Variants in LYPD5 observed in about 807,000 individuals in gnomAD.
LYPD5 encodes LY6/PLAUR domain containing 5.
LYPD5 carries 21 observed loss-of-function variants against 19.1 expected under a neutral mutation model. The observed-to-expected ratio is 1.10, with a 90% confidence interval of 0.78 to 1.58. The LOEUF is 1.58. LYPD5 is among the 40% of genes most tolerant of loss of function. The probability of loss-of-function intolerance (pLI) is 0.00; values close to 1 mark genes in which losing one functional copy is unlikely to be tolerated. For synonymous variants in LYPD5, 128 were observed against 142.7 expected (o/e 0.90, Z 0.74); for missense variants, 287 against 329.8 (o/e 0.87, Z 1.00).
At chr19:43,819,112 T>C (rs1168973866) in intron 1 of LYPD5, among the ~76,000 whole-genome samples, 2 of 152,160 alleles carry the variant, frequency 1.3e-5, no homozygotes, top group Non-Finnish European at 2.9e-5. Context: ...TCACTTCAAA[T>C]AAGCAGTTGT....
chr19:43,812,018 T>C (rs1970328075), intron 1 of LYPD5, among the ~76,000 whole-genome samples: 1 of 152,084 alleles, frequency 6.6e-6, no homozygotes, highest in Non-Finnish European at 1.5e-5. Flanking sequence ...CATGTGCTTG[T>C]GGTCAGCTGG....
intron 1 of LYPD5, among the ~76,000 whole-genome samples, chr19:43,811,306 T>C (rs1970321951): frequency 1.3e-5 from 2 of 152,070 alleles, no homozygotes; most frequent in Non-Finnish European, 2.9e-5. Context: ...TAACATGGAA[T>C]AGTTGAGAAA....
At chr19:43,817,375 C>T (rs1970382899) in intron 1 of LYPD5, among the ~76,000 whole-genome samples, 1 of 152,144 alleles carries the variant, frequency 6.6e-6, no homozygotes, top group Non-Finnish European at 1.5e-5. Context: ...CTATATGTCA[C>T]ATTTACTACT....
chr19:43,798,722 G>T, intron 3 of LYPD5, 90 bp downstream of exon 3: 1 of 1,570,278 alleles, frequency 6.4e-7, no homozygotes, highest in South Asian at 1.2e-5. Flanking sequence ...AGCGCGCCAA[G>T]AGCAGGCGCC....
chr19:43,808,204 C>T (rs965510566), intron 1 of LYPD5, among the ~76,000 whole-genome samples: 1 of 152,132 alleles, frequency 6.6e-6, no homozygotes, highest in African/African-American at 2.4e-5. Context: ...CTCCCAGGTT[C>T]AAGTGATTCT....
intron 3 of LYPD5, 41 bp downstream of exon 3, chr19:43,798,771 T>C (rs766606594): frequency 6.3e-7 from 1 of 1,580,360 alleles, no homozygotes; most frequent in Non-Finnish European, 8.6e-7. Flanking sequence ...GCCAGGCCTC[T>C]CATCGTCCCT....
upstream of LYPD5, chr19:43,802,492 G>A (rs1342058704): frequency 6.6e-6 from 6 of 909,138 alleles, no homozygotes; most frequent in Admixed American, 2.1e-5. Context: ...GTATTTCTTC[G>A]TCCCACCCTC....
chr19:43,814,240 C>T (rs1039030232), intron 1 of LYPD5, among the ~76,000 whole-genome samples: 9 of 152,194 alleles, frequency 5.9e-5, no homozygotes, highest in African/African-American at 1.9e-4. Flanking sequence ...GCCTGTAATC[C>T]CAGCACTTTA....
Position 43,798,916 on chromosome 19 carries a change from T to A in LYPD5, c.266A>T (p.Asn89Ile). 6.3e-7 allele frequency: 1 copy of A among 1,595,600 alleles called. No individual in the cohort carries two copies. Among genetic ancestry groups the A allele is most frequent in the Non-Finnish European group, 8.5e-7 (1 of 1,171,826 alleles). The change falls in exon 3 of 5, where the codon AAC becomes ATC. Residue 89 changes from asparagine to isoleucine, a missense_variant. By Grantham distance (149) the Asn-to-Ile change is moderately radical (BLOSUM62 -3). Coordinates refer to ENST00000377950, the MANE Select transcript of LYPD5 (RefSeq NM_001031749.3). ...TGPPAGQTQS[N>I]ADALPPDYSV... ...GTAGTCTGGCGGCAGCGCGTCCGCG[T>A]TCGATTGCGTCTGGCCCGCAGGAGG...
At chr19:43,798,349 G>T in intron 4 of LYPD5, 106 bp downstream of exon 4, 1 of 1,391,558 alleles carries the variant, frequency 7.2e-7, no homozygotes, top group South Asian at 1.3e-5. Context: ...TCCCACCTCA[G>T]AGCAGGGCCA....
intron 1 of LYPD5, among the ~76,000 whole-genome samples, chr19:43,809,337 G>A (rs796313794): frequency 1.3e-4 from 20 of 151,242 alleles, no homozygotes; most frequent in East Asian, 5.9e-4. Flanking sequence ...GCACCTGACC[G>A]GATATTATTA....
chr19:43,801,961 A>C (rs1403723217), intron 1 of LYPD5, among the ~76,000 whole-genome samples: 1 of 152,186 alleles, frequency 6.6e-6, no homozygotes, highest in Non-Finnish European at 1.5e-5. Context: ...GCTCCCTGGA[A>C]ATACCTTTGA....
At chr19:43,812,329 T>G (rs1294252749) in intron 1 of LYPD5, among the ~76,000 whole-genome samples, 1 of 122,312 alleles carries the variant, frequency 8.2e-6, no homozygotes, top group East Asian at 2.8e-4. Context: ...GATTTGTGGT[T>G]ATTTTTTCTA....
At chr19:43,799,144 GTTC>G in intron 2 of LYPD5, 156 bp from the exon 3 acceptor site, 1 of 769,892 alleles carries the variant, frequency 1.3e-6, no homozygotes, top group East Asian at 2.9e-5. Context: ...TTTCCCCCGA[GTTC>G]TTCTCTTCCT....
upstream of LYPD5, among the ~76,000 whole-genome samples, chr19:43,803,942 ATTC>A (rs1234668985): frequency 2.6e-5 from 4 of 152,132 alleles, no homozygotes; most frequent in East Asian, 5.8e-4. Flanking sequence ...GGTTCACACC[ATTC>A]TTCTGCCTCA....
rs558813718 is a variant in LYPD5, at chr19:43,799,689, C to T, written c.193+17G>A. ...TCCCTAATCTCTCATCCCTGTCCCC[C>T]GGCTCCCGCTCCTTACCGGTGTCCA... On this transcript the variant is annotated intron_variant, in intron 2 of 4. Transcript: ENST00000377950. The T allele has an allele frequency of 3.7e-6, 6 of 1,608,400 alleles. No individual in the cohort carries two copies. The highest frequency in any genetic ancestry group is 1.7e-5 in the Admixed American group (1 of 59,182).
chr19:43,812,388 CT>C (rs1970334295), intron 1 of LYPD5, among the ~76,000 whole-genome samples: 2 of 133,238 alleles, frequency 1.5e-5, no homozygotes, highest in South Asian at 5.0e-4. Context: ...AATCTATCAT[CT>C]ATCTATCCAT....
At chr19:43,799,136 T>G in intron 2 of LYPD5, 148 bp from the exon 3 acceptor site, 1 of 786,856 alleles carries the variant, frequency 1.3e-6, no homozygotes, top group South Asian at 2.0e-5. Context: ...CCAGACCTTT[T>G]CCCCCGAGTT....
intron 1 of LYPD5, among the ~76,000 whole-genome samples, chr19:43,813,146 A>G (rs1291501257): frequency 1.3e-5 from 2 of 152,200 alleles, no homozygotes; most frequent in African/African-American, 4.8e-5. Context: ...CTTGAGAAGC[A>G]GTTGCATATC....
Sources: gnomAD v4.1 joint callset for allele counts (sites outside exome capture counted in the v4.1 genomes callset) on GRCh38, gnomAD v4.1.1 for gene constraint, MANE v1.5 for transcripts, NCBI Gene and HGNC (gene_info 2026-07-23, HGNC 2026-07-21) for gene names.